The following SUCLG1 variants were observed in gnomAD, a reference collection of about 807,000 sequenced individuals.
The protein encoded by SUCLG1 is succinate-CoA ligase GDP/ADP-forming subunit alpha.
SUCLG1 carries 26 observed loss-of-function variants against 37.3 expected under a neutral mutation model. The observed-to-expected ratio is 0.70, with a 90% CI of 0.51 to 0.97. The LOEUF is 0.97. SUCLG1 is among the 50% of genes least tolerant of loss of function. The probability of loss-of-function intolerance (pLI) is 0.00; values close to 1 mark genes in which losing one functional copy is unlikely to be tolerated. For synonymous variants in SUCLG1, 163 were observed against 155.6 expected, an observed-to-expected ratio of 1.05 and a Z score of -0.36; for missense variants, 433 against 432.9, an observed-to-expected ratio of 1.00 and a Z score of 0.00.
intron 1 of SUCLG1, among the ~76,000 whole-genome samples, chr2:84,456,978 T>C (rs993244103): frequency 2.0e-5 from 3 of 152,144 alleles, no homozygotes; most frequent in Admixed American, 6.5e-5. Context: ...CCTTTTTTCA[T>C]AAGCTATAAA....
Position 84,425,658 on chromosome 2 carries a change from A to C in SUCLG1, c.826-55T>G. On this transcript the variant is annotated intron_variant, in intron 7 of 8. Transcript: ENST00000393868. Reference sequence around the variant, plus strand: ...TAATGAAGAAGTCAATCAAAACGGGACCTCAAATTCATGACTCTGCTGGTA... The same window carrying C: ...TAATGAAGAAGTCAATCAAAACGGGCCCTCAAATTCATGACTCTGCTGGTA... 3.1e-6 allele frequency: 5 copies of C among 1,595,460 alleles called. No homozygotes were observed. The Admixed American group carries it at 8.3e-5, about 27-fold the overall frequency.
chr2:84,446,218 G>A (rs1451342737), intron 2 of SUCLG1, among the ~76,000 whole-genome samples: 2 of 152,148 alleles, frequency 1.3e-5, no homozygotes, highest in South Asian at 2.1e-4. Context: ...TTCTTCCATA[G>A]CAATTATACT....
chr2:84,439,080 C>G (rs1409284234), intron 5 of SUCLG1, among the ~76,000 whole-genome samples: 1 of 151,942 alleles, frequency 6.6e-6, no homozygotes, highest in Non-Finnish European at 1.5e-5. Context: ...CCTTTAAGAG[C>G]TGTAACACTC....
chr2:84,442,150 CAAG>C (rs1573370499), intron 3 of SUCLG1, among the ~76,000 whole-genome samples: 2 of 119,134 alleles, frequency 1.7e-5, no homozygotes, highest in African/African-American at 3.3e-5. Context: ...GATTGCTTAG[CAAG>C]AAGAACTTTC....
Position 84,459,202 on chromosome 2 carries a change from G to A in SUCLG1, c.68C>T (p.Ala23Val). The A allele has an allele frequency of 6.5e-7, 1 of 1,550,086 alleles. No individual in the cohort carries two copies. The highest frequency in any genetic ancestry group is 1.4e-5 in the African/African-American group (1 of 73,168). Residue 23 changes from alanine (A) to valine (V), a missense_variant, in exon 1 of 9, where the codon GCC becomes GTC. Coordinates refer to ENST00000393868, the MANE Select transcript of SUCLG1 (RefSeq NM_003849.4). ...TMVSGSSGLA[A>V]ARLLSRSFLL... ...GAAGCTGCGCGACAGGAGACGGGCG[G>A]CGGCGAGGCCGCTGCTGCCGGAGAC...
At chr2:84,433,224 G>A in intron 6 of SUCLG1, 128 bp downstream of exon 6, 1 of 837,666 alleles carries the variant, frequency 1.2e-6, no homozygotes, top group South Asian at 1.5e-5. Context: ...AATTAAATTT[G>A]AGATCGTAAC....
At chr2:84,434,860 T>C (rs1672662737) in intron 5 of SUCLG1, among the ~76,000 whole-genome samples, 1 of 152,242 alleles carries the variant, frequency 6.6e-6, no homozygotes, top group Non-Finnish European at 1.5e-5. Flanking sequence ...ATCTTCTCAC[T>C]ATGAATTTGG....
At chr2:84,429,623 C>T (rs751325125) in intron 7 of SUCLG1, among the ~76,000 whole-genome samples, 1 of 152,032 alleles carries the variant, frequency 6.6e-6, no homozygotes, top group Non-Finnish European at 1.5e-5. Context: ...AGAATGAAAA[C>T]TGGCATGTCA....
chr2:84,449,754 TA>T lies in SUCLG1; in HGVS notation c.98-3del. 1.1e-6 allele frequency: 1 copy of T among 924,056 alleles called. No individual in the cohort carries two copies. Among genetic ancestry groups the T allele is most frequent in the South Asian group, 1.5e-5 (1 of 67,714 alleles). The allele number at this position is 924,056 out of a possible 1,614,324, so 57.2% of individuals were successfully genotyped here. Reference sequence around the variant, plus strand: ...AATGCCGAATTCCATTCTGCGGCACTAAGAGGTTAAAAAAAAAAAAAAAAAA... The same window carrying T: ...AATGCCGAATTCCATTCTGCGGCACTAGAGGTTAAAAAAAAAAAAAAAAAA... On this transcript the variant is annotated splice_region_variant and splice_polypyrimidine_tract_variant and intron_variant, in intron 1 of 8. Coordinates refer to ENST00000393868, the MANE Select transcript of SUCLG1 (RefSeq NM_003849.4).
At chr2:84,437,592 T>A (rs1028933249) in intron 5 of SUCLG1, among the ~76,000 whole-genome samples, 1 of 152,170 alleles carries the variant, frequency 6.6e-6, no homozygotes, top group Non-Finnish European at 1.5e-5. Flanking sequence ...CTGGTAGACA[T>A]GGAAAATGGC....
In SUCLG1 at chr2:84,425,683, A is replaced by C. The variant is rs1672527021; in HGVS notation, c.826-80T>G. On this transcript the variant is annotated intron_variant, in intron 7 of 8. Coordinates refer to ENST00000393868, the MANE Select transcript of SUCLG1 (RefSeq NM_003849.4). The stretch of plus-strand genomic sequence containing the variant: ...ACCTCAAATTCATGACTCTGCTGGT[A>C]AATGGTAAATGGCTTGGGCAGGGGA... 48 of 1,497,042 alleles carry C rather than the reference A, an allele frequency of 3.2e-5. No homozygotes were observed. The East Asian group carries it at 1.1e-3, about 34-fold the overall frequency. 92.7% of individuals were successfully genotyped at this position (1,497,042 alleles called of 1,614,324 possible).
At chr2:84,442,037 C>T (rs1471510687) in intron 3 of SUCLG1, among the ~76,000 whole-genome samples, 2 of 152,080 alleles carry the variant, frequency 1.3e-5, no homozygotes, top group East Asian at 1.9e-4. Context: ...TTCAAAAAGC[C>T]CTTTGTAAGA....
intron 8 of SUCLG1, among the ~76,000 whole-genome samples, chr2:84,424,195 A>C (rs756063592): frequency 3.3e-5 from 5 of 152,352 alleles, no homozygotes; most frequent in Non-Finnish European, 7.3e-5. Flanking sequence ...CTAAAGACAG[A>C]TTGTTACAAG....
chr2:84,425,778 T>C (rs1044243386), intron 7 of SUCLG1, 175 bp from the exon 8 acceptor site: 34 of 680,132 alleles, frequency 5.0e-5, no homozygotes, highest in Non-Finnish European at 7.4e-5. Context: ...GCATTCTCCT[T>C]TGAGTTAACT....
In SUCLG1 at chr2:84,440,244, A is replaced by G. The variant is rs1010127978; in HGVS notation, c.589+803T>C. Among the ~76,000 whole-genome samples, 5 of 152,136 alleles carry G rather than the reference A, an allele frequency of 3.3e-5. No individual in the cohort carries two copies. The East Asian group carries it at 9.7e-4, about 29-fold the overall frequency. The stretch of plus-strand genomic sequence containing the variant: ...CAAAATTAGCTGGGCGTGGTGGCGC[A>G]TGCCTGTAATCCCAGCTACTCGGGA... On this transcript the variant is annotated intron_variant, in intron 5 of 8. Coordinates refer to ENST00000393868, the MANE Select transcript of SUCLG1 (RefSeq NM_003849.4).
At chr2:84,454,804 A>T (rs1672994205) in intron 1 of SUCLG1, among the ~76,000 whole-genome samples, 1 of 152,180 alleles carries the variant, frequency 6.6e-6, no homozygotes, top group Admixed American at 6.5e-5. Context: ...GGGATGAATG[A>T]TGCAATCTAT....
chr2:84,433,435 C>G lies in SUCLG1; in HGVS notation c.590G>C (p.Gly197Ala). ...PGHIHKKGRI[G>A]IVSRSGTLTY... is the part of the protein sequence containing the mutation. Reference sequence around the variant, plus strand: ...CAGGGTGCCAGATCTGGACACAATGCCTTAACGAAAGAGAATTCAAAAATA... The same window carrying G: ...CAGGGTGCCAGATCTGGACACAATGGCTTAACGAAAGAGAATTCAAAAATA... Residue 197 changes from glycine to alanine, a missense_variant and splice_region_variant, in exon 6 of 9, where the codon GGC becomes GCC. Physicochemically the swap from Gly to Ala is moderately conservative, Grantham distance 60. Coordinates refer to ENST00000393868, the MANE Select transcript of SUCLG1 (RefSeq NM_003849.4). The G allele has an allele frequency of 1.2e-5, 19 of 1,613,362 alleles. No homozygotes were observed. Among genetic ancestry groups the G allele is most frequent in the Non-Finnish European group, 1.5e-5 (18 of 1,179,478 alleles).
chr2:84,445,984 C>G (rs72937139), intron 2 of SUCLG1, among the ~76,000 whole-genome samples: 1 of 152,376 alleles, frequency 6.6e-6, no homozygotes, highest in African/African-American at 2.4e-5. Flanking sequence ...ACTCCAGCCA[C>G]GCTGGCCTTG....
chr2:84,445,981 C>T (rs1256202208), intron 2 of SUCLG1, among the ~76,000 whole-genome samples: 1 of 152,278 alleles, frequency 6.6e-6, no homozygotes, highest in African/African-American at 2.4e-5. Flanking sequence ...TACACTCCAG[C>T]CACGCTGGCC....
Sources: gnomAD v4.1 joint callset for allele counts (sites outside exome capture counted in the v4.1 genomes callset) on GRCh38, gnomAD v4.1.1 for gene constraint, MANE v1.5 for transcripts, NCBI Gene and HGNC (gene_info 2026-07-23, HGNC 2026-07-21) for gene names.